UNC13C: variants seen among roughly 807,000 people sequenced by gnomAD.
The protein encoded by UNC13C is unc-13 homolog C.
UNC13C carries 174 observed loss-of-function variants against 245.4 expected under a neutral mutation model. The observed-to-expected ratio is 0.71, with a 90% confidence interval of 0.63 to 0.80. The LOEUF (loss-of-function observed/expected upper bound fraction) is 0.80. UNC13C is among the 30% of genes least tolerant of loss of function. The pLI is 0.00. For missense variants in UNC13C, 2,829 were observed against 2,602.9 expected (o/e 1.09, Z -1.89); for synonymous variants, 992 against 895.1 (o/e 1.11, Z -1.93).
At chr15:54,143,414 G>A (rs1029402341) in intron 3 of UNC13C, among the ~76,000 whole-genome samples, 5 of 152,112 alleles carry the variant, frequency 3.3e-5, no homozygotes, top group Non-Finnish European at 7.4e-5. Flanking sequence ...CTCTGCCAGT[G>A]CATTTGTTTA....
intron 2 of UNC13C, among the ~76,000 whole-genome samples, chr15:54,073,327 T>A (rs190039781): frequency 1.2e-4 from 19 of 152,334 alleles, no homozygotes; most frequent in Admixed American, 1.1e-3. Context: ...TTGTGAACAG[T>A]GCTGCAATAC....
chr15:54,463,542 C>T (rs894711693), intron 19 of UNC13C, among the ~76,000 whole-genome samples: 8 of 151,786 alleles, frequency 5.3e-5, no homozygotes, highest in Admixed American at 2.0e-4. Flanking sequence ...CAATTCCAGA[C>T]GCGCCGCCTT....
At chr15:54,233,791 A>G (rs1424255994) in intron 4 of UNC13C, among the ~76,000 whole-genome samples, 1 of 152,154 alleles carries the variant, frequency 6.6e-6, no homozygotes, top group African/African-American at 2.4e-5. Flanking sequence ...TAGCCTTTGT[A>G]GCCTGTTGCA....
chr15:53,958,996 C>T, the UNC13C span, among the ~76,000 whole-genome samples: 1 of 152,132 alleles, frequency 6.6e-6, no homozygotes, highest in Non-Finnish European at 1.5e-5. Context: ...TTCCTTCTAC[C>T]TCCATGAGAG....
chr15:54,452,035 A>G (rs1260644002), intron 19 of UNC13C, among the ~76,000 whole-genome samples: 2 of 152,226 alleles, frequency 1.3e-5, no homozygotes, highest in African/African-American at 2.4e-5. Flanking sequence ...ATACACAGCC[A>G]AATCAGTGGT....
intron 2 of UNC13C, among the ~76,000 whole-genome samples, chr15:54,108,534 A>AG (rs1444655668): frequency 6.6e-6 from 1 of 152,200 alleles, no homozygotes; most frequent in Non-Finnish European, 1.5e-5. Context: ...GTGTAGGCCA[A>AG]GAAAAAAAAT....
At chr15:53,928,398 C>T in the UNC13C span, among the ~76,000 whole-genome samples, 5 of 152,262 alleles carry the variant, frequency 3.3e-5, no homozygotes, top group East Asian at 1.9e-4. Flanking sequence ...TGCCTTTAAG[C>T]GGTTTTCTGC....
intron 14 of UNC13C, among the ~76,000 whole-genome samples, chr15:54,328,290 C>T (rs2038348915): frequency 6.7e-6 from 1 of 149,262 alleles, no homozygotes. Context: ...TCATGTTTAA[C>T]ACTAATTGAA....
At chr15:54,319,625 T>TA in intron 13 of UNC13C, among the ~76,000 whole-genome samples, 1 of 152,054 alleles carries the variant, frequency 6.6e-6, no homozygotes, top group African/African-American at 2.4e-5. Flanking sequence ...CTGGTTAAGA[T>TA]ATAAGAAAAG....
chr15:54,390,907 G>GTA (rs34766298), intron 17 of UNC13C, among the ~76,000 whole-genome samples: 37,887 of 151,730 alleles, frequency 0.25, 4,993 homozygotes, highest in Non-Finnish European at 0.29. Context: ...GTTTATGATA[G>GTA]TATTGTGTGC....
the UNC13C span, among the ~76,000 whole-genome samples, chr15:53,882,883 T>C: frequency 6.6e-6 from 1 of 152,066 alleles, no homozygotes; most frequent in African/African-American, 2.4e-5. Flanking sequence ...CAACACACAC[T>C]GGGGCCTATC....
At chr15:54,427,935 C>A (rs2040792661) in intron 19 of UNC13C, among the ~76,000 whole-genome samples, 1 of 151,736 alleles carries the variant, frequency 6.6e-6, no homozygotes, top group Non-Finnish European at 1.5e-5. Context: ...TCTCTCAGAA[C>A]CCTGTGGCTA....
chr15:54,025,086 T>C (rs1010994664), intron 2 of UNC13C, among the ~76,000 whole-genome samples: 1 of 152,158 alleles, frequency 6.6e-6, no homozygotes, highest in Non-Finnish European at 1.5e-5. Flanking sequence ...TAAGAAGAAA[T>C]GATCCATAGG....
chr15:54,259,757 CT>C (rs2036376994), intron 8 of UNC13C, among the ~76,000 whole-genome samples: 1 of 152,142 alleles, frequency 6.6e-6, no homozygotes. Context: ...TTTATGCTGA[CT>C]ATGTAAGTGC....
intron 19 of UNC13C, among the ~76,000 whole-genome samples, chr15:54,491,863 G>A (rs2456975): frequency 0.48 from 72,332 of 151,648 alleles, 17,888 homozygotes; most frequent in East Asian, 0.69. Flanking sequence ...GGTAGCGGGC[G>A]CCTGTAAGTC....
chr15:54,081,544 C>T (rs77190955), intron 2 of UNC13C, among the ~76,000 whole-genome samples: 3,325 of 151,900 alleles, frequency 0.022, 97 homozygotes, highest in South Asian at 0.12. Context: ...ATATAATACT[C>T]TTTTATTTAT....
chr15:54,242,029 T>C (rs1416714951), intron 7 of UNC13C, among the ~76,000 whole-genome samples: 2 of 152,232 alleles, frequency 1.3e-5, no homozygotes, highest in Non-Finnish European at 1.5e-5. Context: ...TTATGGAAAC[T>C]TTCATGTCCT....
intron 1 of UNC13C, among the ~76,000 whole-genome samples, chr15:54,006,693 A>G (rs1045359201): frequency 6.6e-5 from 10 of 152,174 alleles, no homozygotes; most frequent in African/African-American, 1.9e-4. Flanking sequence ...TTAAAATTTA[A>G]TCTTTAATAT....
the UNC13C span, among the ~76,000 whole-genome samples, chr15:53,954,872 C>T: frequency 6.6e-6 from 1 of 152,138 alleles, no homozygotes; most frequent in Non-Finnish European, 1.5e-5. Context: ...ATGCTTCTAG[C>T]CTTACACAGA....
Sources: allele counts gnomAD v4.1 joint callset (sites outside exome capture counted in the v4.1 genomes callset), GRCh38; gene constraint gnomAD v4.1.1; transcripts MANE v1.5; gene names NCBI Gene and HGNC (gene_info 2026-07-23, HGNC 2026-07-21).